Variants in GPSM2 observed in about 807,000 individuals in gnomAD.
GPSM2 encodes G protein signaling modulator 2, also known as G protein-signaling modulator 2.
GPSM2 carries 58 observed loss-of-function variants against 78.4 expected under a neutral mutation model. The ratio of observed to expected loss-of-function variants is 0.74; its 90% CI spans 0.60 to 0.92. The LOEUF (loss-of-function observed/expected upper bound fraction) is 0.92. Ranked by LOEUF, GPSM2 falls within the 40% of genes least tolerant of loss-of-function variation. The pLI is 0.00. For synonymous variants in GPSM2, 224 were observed against 280.2 expected (o/e 0.80, Z 2.00); for missense variants, 700 against 815.5 (o/e 0.86, Z 1.73).
At position 108,931,035 on chromosome 1, in the gene GPSM2, G is replaced by C. The variant is rs772961100; in HGVS notation, c.*1095G>C. 4 of 228,682 alleles carry C rather than the reference G, an allele frequency of 1.7e-5. No individual in the cohort carries two copies. Among genetic ancestry groups the C allele is most frequent in the Non-Finnish European group, 3.5e-5 (4 of 115,036 alleles). The allele number at this position is 228,682 out of a possible 1,614,324, so 14.2% of individuals were successfully genotyped here. On this transcript the variant is annotated 3_prime_UTR_variant, in exon 15 of 15. Transcript: ENST00000264126. ...CCACTGCACTCCAGCCTGGGTGACA[G>C]AGCAAGACCCTGTCTCTAGAAAACA...
chr1:108,928,388 T>C (rs947231723), intron 14 of GPSM2, among the ~76,000 whole-genome samples: 9 of 152,028 alleles, frequency 5.9e-5, no homozygotes, highest in Admixed American at 2.6e-4. Flanking sequence ...TGCCCAAGTG[T>C]TGGGTTAATT....
chr1:108,887,429 C>T (rs777517480), intron 2 of GPSM2, among the ~76,000 whole-genome samples: 2 of 152,158 alleles, frequency 1.3e-5, no homozygotes, highest in Non-Finnish European at 2.9e-5. Flanking sequence ...CCTCCTGCAC[C>T]TCGAGGCCCA....
chr1:108,925,037 TA>T (rs1239432034), intron 14 of GPSM2, among the ~76,000 whole-genome samples: 2 of 152,188 alleles, frequency 1.3e-5, no homozygotes, highest in African/African-American at 4.8e-5. Context: ...AGGGCTACAT[TA>T]TTAGCTATTA....
At chr1:108,896,758 C>T (rs536067173) in intron 2 of GPSM2, 106 bp from the exon 3 acceptor site, 1 of 860,652 alleles carries the variant, frequency 1.2e-6, no homozygotes, top group Non-Finnish European at 2.0e-6. Context: ...ATAGAGGCAG[C>T]TGCCCTGAAC....
At chr1:108,925,043 C>T (rs892251632) in intron 14 of GPSM2, among the ~76,000 whole-genome samples, 78 of 152,108 alleles carry the variant, frequency 5.1e-4, no homozygotes, top group African/African-American at 1.9e-3. Context: ...ACATTATTAG[C>T]TATTATATCA....
rs771251133 is a variant in GPSM2 at position 108,896,875 on chromosome 1, C to G, written c.68C>G (p.Ser23Cys). The G allele has an allele frequency of 1.1e-5, 18 of 1,612,576 alleles. No homozygotes were observed. The Admixed American group carries it at 3.0e-4, about 27-fold the overall frequency. ...GTATAATTTTGTAGAATGGAAGCTT[C>G]TTGCCTAGAGCTGGCCTTGGAAGGG... ...SFHVRYRMEA[S>C]CLELALEGER... The change falls in exon 3 of 15, where the codon TCT (serine) becomes TGT (cysteine). Residue 23 changes from serine to cysteine, a missense_variant. Coordinates refer to ENST00000264126, the MANE Select transcript of GPSM2 (RefSeq NM_013296.5).
Position 108,923,590 on chromosome 1 carries a change from TGTTA to T in GPSM2, c.1601-406_1601-403del, listed in dbSNP as rs1650903079. ...CCAAGACTTGCCAGCAGCACTTAACTGTTAGTTTACTAAATGATTTGTATCCAGG... is the reference window on the plus strand; with the variant it reads ...CCAAGACTTGCCAGCAGCACTTAACTGTTTACTAAATGATTTGTATCCAGG... On this transcript the variant is annotated intron_variant, in intron 13 of 14. Transcript: ENST00000264126. Among the ~76,000 whole-genome samples the T allele has an allele frequency of 2.6e-5, 4 of 152,232 alleles. No homozygotes were observed. The South Asian group carries it at 8.3e-4, about 31-fold the overall frequency.
rs145659672 is a variant in GPSM2 at position 108,931,725 on chromosome 1, G to GGTAA, written c.*1788_*1791dup. 4.2e-3 allele frequency: 1,645 copies of GGTAA among 392,374 alleles called. 63 individuals carry two copies. The East Asian group carries it at 0.079, about 19-fold the overall frequency. 24.3% of individuals were successfully genotyped at this position (392,374 alleles called of 1,614,324 possible). ...TCCTGGATAGCATTTTAAAAACTCA[G>GGTAA]GTAAGTTTCATGGGGTTCTTATAAG... On this transcript the variant is annotated 3_prime_UTR_variant, in exon 15 of 15. Transcript: ENST00000264126.
chr1:108,905,349 T>C (rs748689509), intron 10 of GPSM2, among the ~76,000 whole-genome samples: 4 of 152,234 alleles, frequency 2.6e-5, no homozygotes, highest in Non-Finnish European at 4.4e-5. Context: ...CTAATATTCA[T>C]TGTCTTTACT....
At chr1:108,902,828 G>A (rs894270632) in intron 8 of GPSM2, among the ~76,000 whole-genome samples, 2 of 152,118 alleles carry the variant, frequency 1.3e-5, no homozygotes, top group African/African-American at 4.8e-5. Flanking sequence ...AAGGAAAATA[G>A]GGTAGTGGAC....
At chr1:108,897,130 T>C (rs1156612860) in intron 3 of GPSM2, 45 bp downstream of exon 3, 6 of 1,331,966 alleles carry the variant, frequency 4.5e-6, no homozygotes, top group African/African-American at 1.4e-5. Context: ...TGAAATTAGC[T>C]ATTACTTTAA....
chr1:108,896,821 C>T (rs1356389033), intron 2 of GPSM2, 43 bp from the exon 3 acceptor site: 1 of 1,371,596 alleles, frequency 7.3e-7, no homozygotes, highest in Admixed American at 1.7e-5. Flanking sequence ...TGTGATGCAG[C>T]TGTAATGTTA....
At chr1:108,924,258 C>A in intron 14 of GPSM2, 44 bp downstream of exon 14, 1 of 1,138,136 alleles carries the variant, frequency 8.8e-7, no homozygotes, top group Non-Finnish European at 1.3e-6. Context: ...GCTCAGATAC[C>A]ACTGAAAACA....
chr1:108,901,494 G>A lies in GPSM2; in HGVS notation c.798-296G>A, dbSNP rs549736860. ...AGGGAAAGTTTTTTTAAATGTTAAAGATATTATGTTAATCTCTAGAACCTC... is the reference window on the plus strand; with the variant it reads ...AGGGAAAGTTTTTTTAAATGTTAAAAATATTATGTTAATCTCTAGAACCTC... On this transcript the variant is annotated intron_variant, in intron 7 of 14. Transcript: ENST00000264126. Among the ~76,000 whole-genome samples, 3 of 152,224 alleles carry A rather than the reference G, an allele frequency of 2.0e-5. No homozygotes were observed. In the South Asian group the frequency reaches 6.2e-4, roughly 32 times the overall value.
chr1:108,906,497 T>G (rs1213825818), intron 10 of GPSM2, among the ~76,000 whole-genome samples: 1 of 151,824 alleles, frequency 6.6e-6, no homozygotes, highest in Non-Finnish European at 1.5e-5. Context: ...CTACCAATGA[T>G]TTCTCTTACT....
At chr1:108,895,336 A>G (rs968320993) in intron 2 of GPSM2, among the ~76,000 whole-genome samples, 3 of 152,226 alleles carry the variant, frequency 2.0e-5, no homozygotes, top group East Asian at 1.9e-4. Context: ...GAGCTTCTCA[A>G]AGAGTGATAT....
chr1:108,883,575 T>C (rs548159742), intron 1 of GPSM2, among the ~76,000 whole-genome samples: 2 of 152,338 alleles, frequency 1.3e-5, no homozygotes, highest in African/African-American at 4.8e-5. Context: ...TCCAGGACTT[T>C]ATGATTGTAT....
intron 10 of GPSM2, among the ~76,000 whole-genome samples, chr1:108,907,569 C>T (rs1242421328): frequency 6.6e-6 from 1 of 151,956 alleles, no homozygotes. Flanking sequence ...AATAAAATGA[C>T]TGTGGTTGAA....
chr1:108,896,977 A>G lies in GPSM2; in HGVS notation c.170A>G (p.Asp57Gly). Residue 57 changes from aspartate to glycine, a missense_variant, in exon 3 of 15, where the codon GAC becomes GGC. Coordinates refer to ENST00000264126, the MANE Select transcript of GPSM2 (RefSeq NM_013296.5). The part of the protein sequence containing the change: ...FEAAVQVGTE[D>G]LKTLSAIYSQ... The stretch of plus-strand genomic sequence containing the variant: ...GCTGCAGTTCAAGTTGGAACTGAAG[A>G]CCTAAAAACACTTAGCGCTATTTAC... The G allele has an allele frequency of 6.2e-7, 1 of 1,613,848 alleles. No individual in the cohort carries two copies. The highest frequency in any genetic ancestry group is 8.5e-7 in the Non-Finnish European group (1 of 1,179,730).
Sources: gnomAD v4.1 joint callset for allele counts (sites outside exome capture counted in the v4.1 genomes callset) on GRCh38, gnomAD v4.1.1 for gene constraint, MANE v1.5 for transcripts, NCBI Gene and HGNC (gene_info 2026-07-23, HGNC 2026-07-21) for gene names.